Variants in RP1 observed in about 807,000 individuals in gnomAD.
RP1 encodes RP1 axonemal microtubule associated.
In RP1, 16 loss-of-function variants were observed where a neutral mutation model predicts 14.8. That is an observed-to-expected ratio of 1.08 (90% CI 0.73 to 1.65). The LOEUF (loss-of-function observed/expected upper bound fraction) is 1.65. RP1 is among the 40% of genes most tolerant of loss of function. The probability of loss-of-function intolerance (pLI) is 0.00; values close to 1 mark genes in which losing one functional copy is unlikely to be tolerated. For synonymous variants in RP1, 876 were observed against 883.6 expected, an observed-to-expected ratio of 0.99 and a Z score of 0.15; for missense variants, 2,631 against 2,535.0, an observed-to-expected ratio of 1.04 and a Z score of -0.81.
At chr8:54,703,057 G>A (rs990262053) in intron 14 of RP1, among the ~76,000 whole-genome samples, 2 of 152,188 alleles carry the variant, frequency 1.3e-5, no homozygotes, top group East Asian at 3.9e-4. Context: ...AATCGTTCAC[G>A]AGGTTTCAAA....
chr8:54,696,803 C>T (rs781038687), intron 12 of RP1: 100 of 727,638 alleles, frequency 1.4e-4, no homozygotes, highest in Admixed American at 2.7e-4. Flanking sequence ...TATAGTGGAA[C>T]GTTATGTGAC....
intron 25 of RP1, among the ~76,000 whole-genome samples, chr8:54,848,880 C>G (rs1310725024): frequency 6.6e-6 from 1 of 152,166 alleles, no homozygotes; most frequent in East Asian, 1.9e-4. Flanking sequence ...TCCCGAGTAG[C>G]TGAGATTACA....
intron 1 of RP1, among the ~76,000 whole-genome samples, chr8:54,599,126 AT>A (rs887790718): frequency 1.3e-4 from 19 of 150,922 alleles, no homozygotes; most frequent in Non-Finnish European, 2.2e-4. Flanking sequence ...GTTCTGTTCA[AT>A]TTTTTTTTCA....
intron 1 of RP1, among the ~76,000 whole-genome samples, chr8:54,589,653 C>G (rs529593827): frequency 1.3e-5 from 2 of 152,224 alleles, no homozygotes; most frequent in Non-Finnish European, 2.9e-5. Flanking sequence ...GTCTTCCAGC[C>G]TTGTATTTTT....
downstream of RP1, among the ~76,000 whole-genome samples, chr8:54,772,621 A>T (rs1044161695): frequency 2.4e-4 from 36 of 152,208 alleles, 1 homozygote; most frequent in Admixed American, 2.6e-4. Context: ...AGGTTGTATC[A>T]TTATTCCACT....
At chr8:54,563,021 T>C (rs1344911426) in intron 1 of RP1, among the ~76,000 whole-genome samples, 2 of 152,256 alleles carry the variant, frequency 1.3e-5, no homozygotes, top group East Asian at 1.9e-4. Flanking sequence ...CAGTCAAAGA[T>C]GTCCCAGTAA....
At chr8:54,587,666 C>G (rs10113142) in intron 1 of RP1, among the ~76,000 whole-genome samples, 11,941 of 152,172 alleles carry the variant, frequency 0.078, 1,491 homozygotes, top group African/African-American at 0.26. Context: ...CAGCAGAATA[C>G]TTTTACAAAT....
rs550713606 is a variant in RP1, at chr8:54,861,794, G to A, written c.4070-4041G>A. On this transcript the variant is annotated intron_variant, in intron 27 of 28. Transcript: ENST00000637698. ...ATTTTTTGTATTTTTAGTAGAGACGGGGTTTTGCCATGTTGGCCAGGCTGG... is the reference window on the plus strand; with the variant it reads ...ATTTTTTGTATTTTTAGTAGAGACGAGGTTTTGCCATGTTGGCCAGGCTGG... Among the ~76,000 whole-genome samples, 14 of 152,176 alleles carry A rather than the reference G, an allele frequency of 9.2e-5. No homozygotes were observed. In the East Asian group the frequency reaches 2.5e-3, roughly 27 times the overall value.
chr8:54,631,352 T>C (rs989772638), downstream of RP1, among the ~76,000 whole-genome samples: 1 of 152,140 alleles, frequency 6.6e-6, no homozygotes, highest in Admixed American at 6.5e-5. Flanking sequence ...TAAGTTTCTG[T>C]AGTAAGCAAT....
exon 26 of RP1, chr8:54,852,728 G>A (rs1308357776): frequency 2.4e-6 from 3 of 1,231,846 alleles, no homozygotes; most frequent in Non-Finnish European, 3.0e-6. Flanking sequence ...AGCGTGGACA[G>A]GTAATAGAAA....
chr8:54,611,581 G>A (rs1258410483), upstream of RP1, among the ~76,000 whole-genome samples: 1 of 151,664 alleles, frequency 6.6e-6, no homozygotes, highest in Admixed American at 6.6e-5. Context: ...TTCTTATTTT[G>A]TTCATACATC....
exon 20 of RP1, chr8:54,754,852 A>G: frequency 6.5e-7 from 1 of 1,528,252 alleles, no homozygotes; most frequent in Non-Finnish European, 8.7e-7. Flanking sequence ...TTTGCAGCAA[A>G]CGTATGGCTG....
At chr8:54,691,436 ATGTG>A (rs2129339457) in intron 12 of RP1, among the ~76,000 whole-genome samples, 1 of 152,188 alleles carries the variant, frequency 6.6e-6, no homozygotes, top group African/African-American at 2.4e-5. Flanking sequence ...AAAGCTAGGA[ATGTG>A]TGGAAAATTA....
intron 1 of RP1, among the ~76,000 whole-genome samples, chr8:54,595,483 AATTCCCTGTGTC>A (rs1166595327): frequency 2.0e-5 from 3 of 152,154 alleles, no homozygotes; most frequent in Admixed American, 2.0e-4. Context: ...TTAGAATGAG[AATTCCCTGTGTC>A]ATCTCCTCTT....
intron 25 of RP1, among the ~76,000 whole-genome samples, chr8:54,850,260 C>A (rs543305543): frequency 6.6e-6 from 1 of 152,058 alleles, no homozygotes; most frequent in African/African-American, 2.4e-5. Flanking sequence ...ATTAGTAATA[C>A]CTGTCTTTGA....
chr8:54,824,785 T>C (rs1427177328), intron 24 of RP1, among the ~76,000 whole-genome samples: 1 of 152,190 alleles, frequency 6.6e-6, no homozygotes, highest in African/African-American at 2.4e-5. Context: ...TTGTAACCTG[T>C]TATATTAATA....
intron 16 of RP1, among the ~76,000 whole-genome samples, chr8:54,723,185 C>T (rs1223622244): frequency 3.3e-5 from 5 of 152,136 alleles, no homozygotes; most frequent in South Asian, 2.1e-4. Flanking sequence ...GTGAGAATTA[C>T]GTGAATTAAC....
chr8:54,812,386 C>T (rs1233275538), intron 24 of RP1, among the ~76,000 whole-genome samples: 1 of 152,144 alleles, frequency 6.6e-6, no homozygotes, highest in African/African-American at 2.4e-5. Flanking sequence ...AATTCTCCAC[C>T]CACCTCAGTC....
chr8:54,868,992 G>A (rs1285609690), intron 28 of RP1, among the ~76,000 whole-genome samples: 1 of 152,134 alleles, frequency 6.6e-6, no homozygotes, highest in Non-Finnish European at 1.5e-5. Flanking sequence ...TCCATCACTA[G>A]CATTTACTGA....
Sources: allele counts gnomAD v4.1 joint callset (sites outside exome capture counted in the v4.1 genomes callset), GRCh38; gene constraint gnomAD v4.1.1; transcripts MANE v1.5; gene names NCBI Gene and HGNC (gene_info 2026-07-23, HGNC 2026-07-21).